The following SEMA6D variants were observed in gnomAD, a reference collection of about 807,000 sequenced individuals.
SEMA6D encodes semaphorin 6D.
Under a neutral mutation model 106.6 loss-of-function variants are expected in SEMA6D, and 35 were observed. The observed-to-expected ratio is 0.33, with a 90% CI of 0.25 to 0.44. The LOEUF is 0.44. Ranked by LOEUF, SEMA6D falls within the 20% of genes least tolerant of loss-of-function variation. SEMA6D has a pLI of 1.00. For missense variants in SEMA6D, 1,185 were observed against 1,345.9 expected, an observed-to-expected ratio of 0.88 and a Z score of 1.87; for synonymous variants, 499 against 487.7, an observed-to-expected ratio of 1.02 and a Z score of -0.31.
chr15:47,609,150 A>G (rs181202737), intron 4 of SEMA6D, among the ~76,000 whole-genome samples: 5 of 152,338 alleles, frequency 3.3e-5, no homozygotes, highest in African/African-American at 4.8e-5. Context: ...CATAACACGG[A>G]TTGTGTAACA....
At chr15:47,201,648 A>G (rs1185361820) in intron 1 of SEMA6D, among the ~76,000 whole-genome samples, 2 of 152,146 alleles carry the variant, frequency 1.3e-5, no homozygotes, top group African/African-American at 2.4e-5. Flanking sequence ...CACAAAACCT[A>G]TACCACTACC....
chr15:47,297,842 G>T (rs899296689), intron 1 of SEMA6D, among the ~76,000 whole-genome samples: 1 of 152,052 alleles, frequency 6.6e-6, no homozygotes, highest in African/African-American at 2.4e-5. Context: ...GGGGCAATGG[G>T]GTGATAGTTT....
intron 3 of SEMA6D, among the ~76,000 whole-genome samples, chr15:47,574,396 A>C (rs1310504572): frequency 6.6e-6 from 1 of 152,192 alleles, no homozygotes; most frequent in Non-Finnish European, 1.5e-5. Flanking sequence ...CCAGGTCCTG[A>C]ATTGTTTCTC....
At chr15:47,389,793 T>G (rs1387507534) in intron 1 of SEMA6D, among the ~76,000 whole-genome samples, 1 of 152,208 alleles carries the variant, frequency 6.6e-6, no homozygotes, top group South Asian at 2.1e-4. Flanking sequence ...TGTATGTAAC[T>G]CATTAGTGAG....
At chr15:47,221,563 A>T (rs187240679) in intron 1 of SEMA6D, among the ~76,000 whole-genome samples, 10 of 152,330 alleles carry the variant, frequency 6.6e-5, no homozygotes, top group Non-Finnish European at 1.5e-4. Context: ...ATAAATTGTG[A>T]ACTTGTGTAG....
intron 9 of SEMA6D, among the ~76,000 whole-genome samples, chr15:47,763,522 A>G (rs186918962): frequency 2.0e-5 from 3 of 152,170 alleles, no homozygotes; most frequent in South Asian, 2.1e-4. Context: ...AACCCCTTCT[A>G]TGCCAAGTTG....
chr15:47,225,590 C>T (rs1337210692), intron 1 of SEMA6D, among the ~76,000 whole-genome samples: 28 of 137,960 alleles, frequency 2.0e-4, no homozygotes, highest in African/African-American at 8.1e-4. Flanking sequence ...TGCAGTGGCG[C>T]GATCTTGGCT....
At chr15:47,759,679 G>A in intron 1 of SEMA6D, 66 bp from the exon 2 acceptor site, 1 of 725,778 alleles carries the variant, frequency 1.4e-6, no homozygotes, top group Admixed American at 2.1e-5. Context: ...AAACTGAGCT[G>A]ATTACAAACA....
At chr15:47,332,388 G>A (rs149004952) in intron 1 of SEMA6D, among the ~76,000 whole-genome samples, 24 of 152,276 alleles carry the variant, frequency 1.6e-4, no homozygotes, top group Non-Finnish European at 3.1e-4. Context: ...CAGTGAGTCC[G>A]TGAAAGAAAG....
intron 1 of SEMA6D, among the ~76,000 whole-genome samples, chr15:47,244,969 A>G (rs570729319): frequency 3.3e-5 from 5 of 152,134 alleles, no homozygotes; most frequent in South Asian, 4.1e-4. Context: ...TGTTTCTGCA[A>G]TAATTCGCTT....
chr15:47,259,929 A>G (rs2033990047), intron 1 of SEMA6D, among the ~76,000 whole-genome samples: 1 of 149,968 alleles, frequency 6.7e-6, no homozygotes, highest in South Asian at 2.1e-4. Context: ...TGAGTAAATT[A>G]TATTGATCTG....
At chr15:47,315,618 G>T (rs945632412) in intron 1 of SEMA6D, among the ~76,000 whole-genome samples, 3 of 152,030 alleles carry the variant, frequency 2.0e-5, no homozygotes, top group Non-Finnish European at 4.4e-5. Context: ...TAATTAGTTT[G>T]TCAACATCTA....
intron 3 of SEMA6D, among the ~76,000 whole-genome samples, chr15:47,544,884 A>C (rs1476167781): frequency 6.6e-6 from 1 of 152,126 alleles, no homozygotes; most frequent in Non-Finnish European, 1.5e-5. Context: ...TAGATCAGCA[A>C]TCTGTTAAAC....
intron 3 of SEMA6D, among the ~76,000 whole-genome samples, chr15:47,471,923 TCTCTCTCTCA>T (rs1471930693): frequency 1.4e-4 from 18 of 129,996 alleles, no homozygotes; most frequent in African/African-American, 5.9e-4. Context: ...TCTCTCTCTC[TCTCTCTCTCA>T]CACACACACA....
intron 3 of SEMA6D, among the ~76,000 whole-genome samples, chr15:47,530,363 T>G (rs998541936): frequency 6.6e-6 from 1 of 152,206 alleles, no homozygotes; most frequent in Non-Finnish European, 1.5e-5. Context: ...ATTAATAGAT[T>G]TCATTCTGAA....
chr15:47,662,295 T>G (rs1222355379), intron 4 of SEMA6D, among the ~76,000 whole-genome samples: 1 of 151,944 alleles, frequency 6.6e-6, no homozygotes, highest in Non-Finnish European at 1.5e-5. Context: ...TTCCTCATAG[T>G]CTTTGAGTGA....
At chr15:47,481,753 C>T (rs1185546717) in intron 3 of SEMA6D, among the ~76,000 whole-genome samples, 1 of 152,140 alleles carries the variant, frequency 6.6e-6, no homozygotes, top group African/African-American at 2.4e-5. Context: ...AATCCTGACT[C>T]TACTGCTGGG....
chr15:47,477,666 T>C (rs1468178605), intron 3 of SEMA6D, among the ~76,000 whole-genome samples: 1 of 149,974 alleles, frequency 6.7e-6, no homozygotes, highest in Non-Finnish European at 1.5e-5. Context: ...TTTTTGCCAA[T>C]TTTTTTTTTC....
intron 2 of SEMA6D, among the ~76,000 whole-genome samples, chr15:47,457,310 T>G (rs899935670): frequency 5.9e-5 from 9 of 151,930 alleles, no homozygotes; most frequent in Admixed American, 3.3e-4. Context: ...AATACAGACT[T>G]ACTTATACAC....
Sources: allele counts gnomAD v4.1 joint callset (sites outside exome capture counted in the v4.1 genomes callset), GRCh38; gene constraint gnomAD v4.1.1; transcripts MANE v1.5; gene names NCBI Gene and HGNC (gene_info 2026-07-23, HGNC 2026-07-21).